The following NPHS1 variants were observed in gnomAD, a reference collection of about 807,000 sequenced individuals.
NPHS1 encodes nephrin.
Under a neutral mutation model 139.7 loss-of-function variants are expected in NPHS1, and 107 were observed. That is an observed-to-expected ratio of 0.77 (90% CI 0.66 to 0.90). The LOEUF (loss-of-function observed/expected upper bound fraction) is 0.90. NPHS1 is among the 40% of genes least tolerant of loss of function. NPHS1 has a pLI of 0.00. For synonymous variants in NPHS1, 707 were observed against 706.6 expected, an observed-to-expected ratio of 1.00 and a Z score of -0.01; for missense variants, 1,580 against 1,654.2, an observed-to-expected ratio of 0.96 and a Z score of 0.78.
At chr19:35,847,599 G>A (rs939537279) in intron 11 of NPHS1, among the ~76,000 whole-genome samples, 8 of 149,982 alleles carry the variant, frequency 5.3e-5, no homozygotes, top group East Asian at 2.0e-4. Context: ...CAGGTGATCC[G>A]TCTACCTCGG....
chr19:35,844,156 T>G lies in NPHS1; in HGVS notation c.2159A>C (p.His720Pro), dbSNP rs760911714. 2 of 1,610,404 alleles carry G rather than the reference T, an allele frequency of 1.2e-6. No homozygotes were observed. Among genetic ancestry groups the G allele is most frequent in the Non-Finnish European group, 1.7e-6 (2 of 1,180,002 alleles). Residue 720 changes from histidine to proline, a missense_variant, in exon 16 of 29, where the codon CAC (histidine) becomes CCC (proline). By Grantham distance (77) the His-to-Pro change is moderately conservative. Transcript: ENST00000378910. ...CGCGGTGCCCTCAGAGTTCTGGCAGTGCAGCTGATAGAGGCCGTCGTCCGC... is the reference window on the plus strand; with the variant it reads ...CGCGGTGCCCTCAGAGTTCTGGCAGGGCAGCTGATAGAGGCCGTCGTCCGC... ...TRADDGLYQLHCQNSEGTAEA... is the reference protein window; with the variant it reads ...TRADDGLYQLPCQNSEGTAEA...
At chr19:35,838,596 T>C (rs913608115) in intron 22 of NPHS1, among the ~76,000 whole-genome samples, 2 of 151,426 alleles carry the variant, frequency 1.3e-5, no homozygotes, top group African/African-American at 4.9e-5. Context: ...AGGCCTATGA[T>C]TCTAGCACTT....
intron 11 of NPHS1, 152 bp downstream of exon 11, chr19:35,847,889 C>T: frequency 2.6e-6 from 2 of 774,516 alleles, no homozygotes; most frequent in Non-Finnish European, 2.0e-6. Context: ...GCATTTGTGT[C>T]TTTCCTGATT....
At position 35,827,882 on chromosome 19, in the gene NPHS1, A is replaced by C. The variant is rs1422201379; in HGVS notation, c.3595-1237T>G. Reference sequence around the variant, plus strand: ...CAGTGAGCTGAGATTGTGCTACTGCACTCCAGCCTGGGTTACAGAGCAAGC... The same window carrying C: ...CAGTGAGCTGAGATTGTGCTACTGCCCTCCAGCCTGGGTTACAGAGCAAGC... On this transcript the variant is annotated intron_variant, in intron 28 of 28. Transcript: ENST00000378910. Among the ~76,000 whole-genome samples, 7 of 152,166 alleles carry C rather than the reference A, an allele frequency of 4.6e-5. No homozygotes were observed. The East Asian group carries it at 7.7e-4, about 17-fold the overall frequency.
At position 35,845,392 on chromosome 19, in the gene NPHS1, A is replaced by G; in HGVS notation, c.1906T>C (p.Ser636Pro). 1 of 1,614,248 alleles carries G rather than the reference A, an allele frequency of 6.2e-7. No homozygotes were observed. The change falls in exon 14 of 29, where the codon TCC becomes CCC. Residue 636 changes from serine to proline, a missense_variant. Transcript: ENST00000378910. This position sits in a 1 kb window ranked among gnomAD's most constrained non-coding sequence, Gnocchi z 5.5. The stretch of plus-strand genomic sequence containing the variant: ...CACAGTACGTTGAGGCGATAGAAGG[A>G]GCTCACGGTTTCGCGGAGCTCGGCG... The part of the protein sequence containing the change: ...HSAELRETVS[S>P]FYRLNVLYRP...
At position 35,831,645 on chromosome 19, in the gene NPHS1, TCAG is replaced by T. The variant is rs778137714; in HGVS notation, c.3281_3283del (p.Ala1094del). 44 of 1,612,536 alleles carry T rather than the reference TCAG, an allele frequency of 2.7e-5. No individual in the cohort carries two copies. The South Asian group carries it at 4.5e-4, about 17-fold the overall frequency. ...GGCAGGGAAGGGTCTCTCCTCACCC[TCAG>T]CAAGACGCCTGAGTCTCCGCTGCCA... On this transcript the variant is annotated inframe_deletion, in exon 24 of 29. Coordinates refer to ENST00000378910, the MANE Select transcript of NPHS1 (RefSeq NM_004646.4).
chr19:35,838,622 A>T (rs1973010814), intron 22 of NPHS1, among the ~76,000 whole-genome samples: 1 of 151,260 alleles, frequency 6.6e-6, no homozygotes, highest in Non-Finnish European at 1.5e-5. Flanking sequence ...GGCCAAGGTG[A>T]GTGGATCACA....
chr19:35,827,170 C>T (rs1029915956), intron 28 of NPHS1, among the ~76,000 whole-genome samples: 1 of 150,820 alleles, frequency 6.6e-6, no homozygotes, highest in African/African-American at 2.4e-5. Flanking sequence ...TTTTTAAAGA[C>T]GAGGTTTCCA....
At chr19:35,843,415 G>T (rs1973088269) in intron 17 of NPHS1, 57 bp downstream of exon 17, 1 of 1,609,402 alleles carries the variant, frequency 6.2e-7, no homozygotes, top group African/African-American at 1.3e-5. Context: ...GGAACTCACA[G>T]TCAAGAAACC....
Position 35,841,881 on chromosome 19 carries a change from G to C in NPHS1, c.2664-15C>G. The C allele has an allele frequency of 6.3e-7, 1 of 1,599,030 alleles. No individual in the cohort carries two copies. Among genetic ancestry groups the C allele is most frequent in the Admixed American group, 1.8e-5 (1 of 56,954 alleles). Reference sequence around the variant, plus strand: ...GCTCCGTGTACCTAGAGAGAAGGTAGGGCACCACTCACCCTTCCATTCACC... The same window carrying C: ...GCTCCGTGTACCTAGAGAGAAGGTACGGCACCACTCACCCTTCCATTCACC... On this transcript the variant is annotated splice_polypyrimidine_tract_variant and intron_variant, in intron 19 of 28. Coordinates refer to ENST00000378910, the MANE Select transcript of NPHS1 (RefSeq NM_004646.4).
At chr19:35,836,713 G>A (rs368415016) in intron 22 of NPHS1, among the ~76,000 whole-genome samples, 1 of 151,734 alleles carries the variant, frequency 6.6e-6, no homozygotes, top group Non-Finnish European at 1.5e-5. Flanking sequence ...AGAAGCTTGC[G>A]GCCAGGAGTG....
intron 9 of NPHS1, 57 bp downstream of exon 9, chr19:35,848,580 G>A (rs1174642481): frequency 1.9e-6 from 3 of 1,604,146 alleles, no homozygotes; most frequent in Admixed American, 1.7e-5. Flanking sequence ...CCCTATCCAC[G>A]AGTCATGCCC....
At position 35,845,427 on chromosome 19, in the gene NPHS1, C is replaced by T; in HGVS notation, c.1871G>A (p.Arg624His). ...SRDHGQRVTCRAHSAELRETV... is the reference protein window; with the variant it reads ...SRDHGQRVTCHAHSAELRETV... ...TTCGCGGAGCTCGGCGCTGTGGGCG[C>T]GGCAGGTCACGCGCTGGCCATGATC... Residue 624 changes from arginine to histidine, a missense_variant, in exon 14 of 29, where the codon CGC (arginine) becomes CAC (histidine). Arg to His is a conservative substitution (Grantham distance 29, BLOSUM62 0). Transcript: ENST00000378910. This position sits in a 1 kb window ranked among gnomAD's most constrained non-coding sequence, Gnocchi z 5.5. 1 of 1,614,214 alleles carries T rather than the reference C, an allele frequency of 6.2e-7. No individual in the cohort carries two copies. Among genetic ancestry groups the T allele is most frequent in the Non-Finnish European group, 8.5e-7 (1 of 1,180,036 alleles).
At position 35,845,607 on chromosome 19, in the gene NPHS1, C is replaced by A; in HGVS notation, c.1757+62G>T. Reference sequence around the variant, plus strand: ...AGGCTGGAGAGGCACTAGGCGGGGGCGGGACATGCGTGGAGGGGGCGAGGC... The same window carrying A: ...AGGCTGGAGAGGCACTAGGCGGGGGAGGGACATGCGTGGAGGGGGCGAGGC... On this transcript the variant is annotated intron_variant, in intron 13 of 28. Coordinates refer to ENST00000378910, the MANE Select transcript of NPHS1 (RefSeq NM_004646.4). The surrounding 1 kb of genome is among the most constrained non-coding windows in gnomAD (Gnocchi z 5.5). The A allele has an allele frequency of 6.3e-7, 1 of 1,599,012 alleles. No individual in the cohort carries two copies. Among genetic ancestry groups the A allele is most frequent in the Non-Finnish European group, 8.5e-7 (1 of 1,171,482 alleles).
Position 35,839,240 on chromosome 19 carries a change from G to C in NPHS1, c.3106C>G (p.Pro1036Ala), listed in dbSNP as rs752984597. Residue 1036 changes from proline to alanine, a missense_variant, in exon 22 of 29, where the codon CCA becomes GCA. Transcript: ENST00000378910. ...DKGTQLPITT[P>A]GLHQPSGEPE... ...CTGCCCAAGCCTCCCTTCCCACCTG[G>C]GGTAGTGATGGGAAGCTGGGTCCCT... 5.6e-6 allele frequency: 9 copies of C among 1,613,886 alleles called. No homozygotes were observed. The highest frequency in any genetic ancestry group is 7.6e-6 in the Non-Finnish European group (9 of 1,179,896).
rs866794613 is a variant in NPHS1, at chr19:35,842,170, A to C, written c.2617T>G (p.Phe873Val). The change falls in exon 19 of 29, where the codon TTC (phenylalanine) becomes GTC (valine). Residue 873 changes from phenylalanine (F) to valine (V), a missense_variant. Physicochemically the swap from Phe to Val is conservative, Grantham distance 50. Coordinates refer to ENST00000378910, the MANE Select transcript of NPHS1 (RefSeq NM_004646.4). ...CRARGVPNIV[F>V]TWTKNGVPLD... ...GGGACCCCGTTTTTTGTCCAAGTGA[A>C]AACGATGTTGGGGACACCTCGGGCA... 6.2e-7 allele frequency: 1 copy of C among 1,610,362 alleles called. No individual in the cohort carries two copies. The highest frequency in any genetic ancestry group is 1.7e-4 in the Middle Eastern group (1 of 6,054).
chr19:35,833,049 TA>T (rs1391465881), intron 23 of NPHS1, among the ~76,000 whole-genome samples: 4 of 74,796 alleles, frequency 5.3e-5, no homozygotes, highest in African/African-American at 1.9e-4. Context: ...CACACCCGGC[TA>T]ATTTTTTTTT....
chr19:35,831,254 C>T (rs762096806), intron 26 of NPHS1, 42 bp downstream of exon 26: 96 of 1,608,024 alleles, frequency 6.0e-5, no homozygotes, highest in Non-Finnish European at 7.6e-5. Context: ...CAGTCGCCGT[C>T]GGTGCCCTGA....
chr19:35,827,880 G>A (rs148359133), intron 28 of NPHS1, among the ~76,000 whole-genome samples: 208 of 152,236 alleles, frequency 1.4e-3, no homozygotes, highest in Non-Finnish European at 2.2e-3. Context: ...TTGTGCTACT[G>A]CACTCCAGCC....
Sources: gnomAD v4.1 joint callset for allele counts (sites outside exome capture counted in the v4.1 genomes callset) on GRCh38, gnomAD v4.1.1 for gene constraint, Gnocchi (gnomAD v3.1) non-coding constraint, MANE v1.5 for transcripts, NCBI Gene and HGNC (gene_info 2026-07-23, HGNC 2026-07-21) for gene names.